Variants in EPHB2 observed in about 807,000 individuals in gnomAD.
The protein encoded by EPHB2 is EPH receptor B2.
In EPHB2, 18 loss-of-function variants were observed where a neutral mutation model predicts 96.4. The ratio of observed to expected loss-of-function variants is 0.19; its 90% confidence interval spans 0.13 to 0.28. The LOEUF (loss-of-function observed/expected upper bound fraction) is 0.28. Among genes scored for constraint, EPHB2 ranks in the 10% least tolerant of loss-of-function variants. The pLI is 1.00. For missense variants in EPHB2, 989 were observed against 1,355.4 expected, an observed-to-expected ratio of 0.73 and a Z score of 4.25; for synonymous variants, 506 against 534.1, an observed-to-expected ratio of 0.95 and a Z score of 0.72.
intron 9 of EPHB2, among the ~76,000 whole-genome samples, chr1:22,900,826 C>T (rs571307184): frequency 5.3e-5 from 8 of 152,310 alleles, no homozygotes; most frequent in African/African-American, 1.9e-4. Context: ...CCCATATCCA[C>T]CCAGCCACCC....
Position 22,860,386 on chromosome 1 carries a change from A to G in EPHB2, c.812-2651A>G, listed in dbSNP as rs934137848. Among the ~76,000 whole-genome samples, 2 of 152,066 alleles carry G rather than the reference A, an allele frequency of 1.3e-5. No homozygotes were observed. The highest frequency in any genetic ancestry group is 2.9e-5 in the Non-Finnish European group (2 of 68,002). ...CCACTTCCCAGGGCAGAGAAGAGTG[A>G]GTTTCATGAAGCAGTGCCATAGATA... On this transcript the variant is annotated intron_variant, in intron 3 of 15. Transcript: ENST00000374630. The surrounding 1 kb of genome is among the most constrained non-coding windows in gnomAD (Gnocchi z 4.6).
At chr1:22,765,182 C>T (rs1299328545) in intron 1 of EPHB2, among the ~76,000 whole-genome samples, 1 of 152,118 alleles carries the variant, frequency 6.6e-6, no homozygotes, top group Admixed American at 6.6e-5. Flanking sequence ...AACTCTGAGG[C>T]TGTCTGTAGC....
rs780774813 is a variant in EPHB2, at chr1:22,913,682, C to CG, written c.*115dup. The CG allele has an allele frequency of 6.2e-6, 10 of 1,602,624 alleles. No individual in the cohort carries two copies. In the South Asian group the frequency reaches 1.1e-4, roughly 18 times the overall value. Reference sequence around the variant, plus strand: ...GGGCCAGCCACTCGCCAGGAGGCCACGGGCCACGGGAAGAACCAAGCGGTG... The same window carrying CG: ...GGGCCAGCCACTCGCCAGGAGGCCACGGGGCCACGGGAAGAACCAAGCGGTG... On this transcript the variant is annotated 3_prime_UTR_variant, in exon 16 of 16. Coordinates refer to ENST00000374630, the MANE Select transcript of EPHB2 (RefSeq NM_017449.5). The surrounding 1 kb of genome is among the most constrained non-coding windows in gnomAD (Gnocchi z 4.1).
At chr1:22,777,079 T>C (rs139459431) in intron 1 of EPHB2, among the ~76,000 whole-genome samples, 3 of 152,250 alleles carry the variant, frequency 2.0e-5, no homozygotes, top group Non-Finnish European at 4.4e-5. Flanking sequence ...GAGGACTTGC[T>C]AGAGGAGGTG....
intron 3 of EPHB2, among the ~76,000 whole-genome samples, chr1:22,821,452 A>T (rs890535527): frequency 1.3e-5 from 2 of 152,212 alleles, no homozygotes; most frequent in Non-Finnish European, 2.9e-5. Flanking sequence ...TAAGTCATCA[A>T]ATCCAGCTTT....
chr1:22,825,458 C>G (rs879635214), intron 3 of EPHB2, among the ~76,000 whole-genome samples: 1 of 152,172 alleles, frequency 6.6e-6, no homozygotes, highest in Non-Finnish European at 1.5e-5. Flanking sequence ...GAGCGGAGCA[C>G]TGGTCCAGGA....
chr1:22,806,484 CGGACGGACGGACGGACGGACGGATGGAT>C (rs1557685731), intron 3 of EPHB2, among the ~76,000 whole-genome samples: 2 of 74,404 alleles, frequency 2.7e-5, no homozygotes, highest in South Asian at 6.6e-4. Flanking sequence ...GATGGACGGA[CGGACGGACGGACGGACGGACGGATGGAT>C]GGATGGATGG....
rs1190197177 is a variant in EPHB2 at position 22,913,564 on chromosome 1, G to A, written c.2955G>A (p.Glu985=). Residue 985 remains glutamate, a synonymous_variant, in exon 16 of 16, where the codon GAG becomes GAA. Coordinates refer to ENST00000374630, the MANE Select transcript of EPHB2 (RefSeq NM_017449.5). The surrounding 1 kb of genome is among the most constrained non-coding windows in gnomAD (Gnocchi z 4.1). ...AGATGAACCAGATTCAGTCTGTGGA[G>A]GTTTGACATTCACCTGCCTCGGCTC... The part of the protein sequence containing the change: ...RAQMNQIQSV[E]V 6 of 1,614,034 alleles carry A rather than the reference G, an allele frequency of 3.7e-6. No homozygotes were observed. The highest frequency in any genetic ancestry group is 2.7e-5 in the African/African-American group (2 of 74,916).
chr1:22,751,322 G>A (rs1644059695), intron 1 of EPHB2, among the ~76,000 whole-genome samples: 1 of 152,338 alleles, frequency 6.6e-6, no homozygotes, highest in African/African-American at 2.4e-5. Context: ...TGGGGCGCCA[G>A]GTGGCAGGAG....
intron 1 of EPHB2, among the ~76,000 whole-genome samples, chr1:22,721,851 A>G (rs926330611): frequency 1.3e-5 from 2 of 151,932 alleles, no homozygotes; most frequent in Non-Finnish European, 2.9e-5. Context: ...TGTGAACTCA[A>G]GCAGTCCTCC....
At chr1:22,883,607 T>C (rs925180772) in intron 6 of EPHB2, among the ~76,000 whole-genome samples, 1 of 152,234 alleles carries the variant, frequency 6.6e-6, no homozygotes, top group Non-Finnish European at 1.5e-5. Context: ...CCCTGAAGGC[T>C]GAGAGGAAGA....
chr1:22,764,316 T>C (rs1007558897), intron 1 of EPHB2, among the ~76,000 whole-genome samples: 8 of 152,246 alleles, frequency 5.3e-5, no homozygotes, highest in African/African-American at 1.9e-4. Flanking sequence ...AGCCAGGCTC[T>C]GGGCTAAGAA....
At position 22,912,470 on chromosome 1, in the gene EPHB2, C is replaced by G; in HGVS notation, c.2723C>G (p.Thr908Arg). Residue 908 changes from threonine to arginine, a missense_variant, in exon 15 of 16, where the codon ACG (threonine) becomes AGG (arginine). Thr to Arg is a moderately conservative substitution (Grantham distance 71). Transcript: ENST00000374630. ...ATCAACCTGCCGCTGCTGGACCGCA[C>G]GATCCCCGACTACACCAGCTTTAAC... ...SGINLPLLDR[T>R]IPDYTSFNTV... is the part of the protein sequence containing the mutation. The G allele has an allele frequency of 6.2e-7, 1 of 1,614,092 alleles. No individual in the cohort carries two copies.
intron 3 of EPHB2, among the ~76,000 whole-genome samples, chr1:22,842,204 C>A (rs1645479508): frequency 6.6e-6 from 1 of 151,960 alleles, no homozygotes; most frequent in Admixed American, 6.5e-5. Flanking sequence ...GGCACCTGTC[C>A]CAGAAGTCTA....
Position 22,887,496 on chromosome 1 carries a change from A to G in EPHB2, c.1428+5013A>G, listed in dbSNP as rs138752193. Among the ~76,000 whole-genome samples the G allele has an allele frequency of 3.7e-4, 57 of 152,284 alleles. 1 individual carries two copies. In the East Asian group the frequency reaches 0.01, roughly 27 times the overall value. Reference sequence around the variant, plus strand: ...TTTCCTTCTTCAGAAAGGGCTCTCTAGGAGCGGGCCCTCCGTTTGGCCTTC... The same window carrying G: ...TTTCCTTCTTCAGAAAGGGCTCTCTGGGAGCGGGCCCTCCGTTTGGCCTTC... On this transcript the variant is annotated intron_variant, in intron 6 of 15. Coordinates refer to ENST00000374630, the MANE Select transcript of EPHB2 (RefSeq NM_017449.5).
At chr1:22,882,199 GC>G (rs1351776580) in intron 5 of EPHB2, among the ~76,000 whole-genome samples, 159 bp from the exon 6 acceptor site, 1 of 152,088 alleles carries the variant, frequency 6.6e-6, no homozygotes, top group Non-Finnish European at 1.5e-5. Flanking sequence ...GAGCCCCTCT[GC>G]CCCCTGTCGG....
chr1:22,913,704 G>A lies in EPHB2; in HGVS notation c.*134G>A, dbSNP rs765701210. The A allele has an allele frequency of 1.0e-5, 16 of 1,602,414 alleles. No individual in the cohort carries two copies. In the Admixed American group the frequency reaches 1.0e-4, roughly 10 times the overall value. On this transcript the variant is annotated 3_prime_UTR_variant, in exon 16 of 16. Coordinates refer to ENST00000374630, the MANE Select transcript of EPHB2 (RefSeq NM_017449.5). This position sits in a 1 kb window ranked among gnomAD's most constrained non-coding sequence, Gnocchi z 4.1. The stretch of plus-strand genomic sequence containing the variant: ...CCACGGGCCACGGGAAGAACCAAGC[G>A]GTGCCAGCCACGAGACGTCACCAAG...
intron 3 of EPHB2, among the ~76,000 whole-genome samples, chr1:22,823,667 A>G (rs1371603851): frequency 1.3e-5 from 2 of 152,226 alleles, no homozygotes; most frequent in East Asian, 1.9e-4. Flanking sequence ...TGGATGAATA[A>G]TTTGCGGGGT....
Position 22,834,460 on chromosome 1 carries a change from A to G in EPHB2, c.812-28577A>G, listed in dbSNP as rs189259534. On this transcript the variant is annotated intron_variant, in intron 3 of 15. Coordinates refer to ENST00000374630, the MANE Select transcript of EPHB2 (RefSeq NM_017449.5). ...TAGTTTCCTTATGTAAAACATGTCA[A>G]TTTGGGGACAGCAGACTGTAAAGGG... 9.2e-5 allele frequency among the ~76,000 whole-genome samples: 14 copies of G among 152,274 alleles called. No homozygotes were observed. In the East Asian group the frequency reaches 2.5e-3, roughly 27 times the overall value.
Sources: gnomAD v4.1 joint callset for allele counts (sites outside exome capture counted in the v4.1 genomes callset) on GRCh38, gnomAD v4.1.1 for gene constraint, Gnocchi (gnomAD v3.1) non-coding constraint, MANE v1.5 for transcripts, NCBI Gene and HGNC (gene_info 2026-07-23, HGNC 2026-07-21) for gene names.